Variants in MYRFL observed in about 807,000 individuals in gnomAD.
The protein encoded by MYRFL is myelin regulatory factor-like protein.
In MYRFL, 88 loss-of-function variants were observed where a neutral mutation model predicts 109.4. The ratio of observed to expected loss-of-function variants is 0.80; its 90% CI spans 0.68 to 0.96. The LOEUF (loss-of-function observed/expected upper bound fraction) is 0.96, where lower values mean the gene tolerates loss of function less well. Ranked by LOEUF, MYRFL falls within the 40% of genes least tolerant of loss-of-function variation. The pLI is 0.00. For missense variants in MYRFL, 957 were observed against 954.9 expected, an observed-to-expected ratio of 1.00 and a Z score of -0.03; for synonymous variants, 324 against 320.9, an observed-to-expected ratio of 1.01 and a Z score of -0.10.
intron 1 of MYRFL, among the ~76,000 whole-genome samples, chr12:69,840,780 T>C (rs181457908): frequency 1.3e-5 from 2 of 152,232 alleles, no homozygotes; most frequent in Non-Finnish European, 2.9e-5. Context: ...TGTTTTCTGC[T>C]GTTCTTAGAG....
At chr12:69,842,375 AC>A (rs1883294019) in intron 1 of MYRFL, among the ~76,000 whole-genome samples, 1 of 152,244 alleles carries the variant, frequency 6.6e-6, no homozygotes, top group Admixed American at 6.5e-5. Context: ...ATTCATAATT[AC>A]ATTTATTCAT....
intron 15 of MYRFL, among the ~76,000 whole-genome samples, chr12:69,930,813 GAA>G (rs61430519): frequency 7.9e-4 from 101 of 128,344 alleles, no homozygotes; most frequent in South Asian, 1.8e-3. Context: ...CCCTATCTAA[GAA>G]AAAAAAAAAA....
chr12:69,933,717 C>A (rs997851831), intron 16 of MYRFL, among the ~76,000 whole-genome samples: 10 of 152,184 alleles, frequency 6.6e-5, no homozygotes, highest in Non-Finnish European at 1.5e-4. Context: ...GTGTGCCTGT[C>A]TTCTCCTGCT....
chr12:69,896,881 AG>A (rs1954012191), intron 9 of MYRFL, among the ~76,000 whole-genome samples: 1 of 152,204 alleles, frequency 6.6e-6, no homozygotes, highest in Non-Finnish European at 1.5e-5. Context: ...ATGTCTCCGC[AG>A]GGTGGCCTGC....
chr12:69,948,584 A>G (rs1327488396), intron 19 of MYRFL, among the ~76,000 whole-genome samples: 3 of 152,204 alleles, frequency 2.0e-5, no homozygotes, highest in African/African-American at 7.2e-5. Context: ...TAAATTTACA[A>G]CCTTCTGTGG....
rs574512967 is a variant in MYRFL, at chr12:69,950,753, A to G, written c.2225-1360A>G. On this transcript the variant is annotated intron_variant, in intron 19 of 24. Transcript: ENST00000552032. ...TGTCACTGGAGGTGTTCAAACAGAGATTCCTTGGTTATTTATTTCTTTTTT... is the reference window on the plus strand; with the variant it reads ...TGTCACTGGAGGTGTTCAAACAGAGGTTCCTTGGTTATTTATTTCTTTTTT... Among the ~76,000 whole-genome samples the G allele has an allele frequency of 5.9e-5, 9 of 152,192 alleles. 1 individual carries two copies. The East Asian group carries it at 7.7e-4, about 13-fold the overall frequency.
chr12:69,848,847 A>G (rs1485673458), intron 1 of MYRFL, among the ~76,000 whole-genome samples: 2 of 152,160 alleles, frequency 1.3e-5, no homozygotes, highest in African/African-American at 2.4e-5. Flanking sequence ...ATCATTAAAC[A>G]TGACACTGGC....
At chr12:69,834,122 A>G (rs1006061061) in intron 1 of MYRFL, among the ~76,000 whole-genome samples, 1 of 152,214 alleles carries the variant, frequency 6.6e-6, no homozygotes, top group African/African-American at 2.4e-5. Context: ...GCAGCAGGCT[A>G]TGCTCAGAAG....
chr12:69,918,137 T>C (rs2120416833), intron 13 of MYRFL, among the ~76,000 whole-genome samples: 1 of 152,312 alleles, frequency 6.6e-6, no homozygotes, highest in Non-Finnish European at 1.5e-5. Flanking sequence ...GAGATCTTCA[T>C]AAAAGTATCA....
intron 1 of MYRFL, among the ~76,000 whole-genome samples, chr12:69,842,585 G>T (rs890023032): frequency 3.3e-5 from 5 of 152,224 alleles, no homozygotes; most frequent in East Asian, 1.9e-4. Context: ...ACAGCTGGCA[G>T]TGGGGTCCGG....
intron 19 of MYRFL, among the ~76,000 whole-genome samples, chr12:69,946,176 T>C (rs1592891277): frequency 1.3e-5 from 2 of 151,948 alleles, no homozygotes; most frequent in Non-Finnish European, 2.9e-5. Context: ...TCTATAGCTA[T>C]GTAAACTTCT....
chr12:69,909,327 C>A (rs576306738), intron 11 of MYRFL, among the ~76,000 whole-genome samples: 1 of 152,264 alleles, frequency 6.6e-6, no homozygotes, highest in East Asian at 1.9e-4. Context: ...GGGAGTCTGT[C>A]AAGGGAGGAG....
intron 1 of MYRFL, among the ~76,000 whole-genome samples, chr12:69,832,848 C>T (rs1882712992): frequency 6.6e-6 from 1 of 151,696 alleles, no homozygotes; most frequent in Non-Finnish European, 1.5e-5. Flanking sequence ...GTGAGGAAGA[C>T]AGAGGAATCT....
chr12:69,846,481 A>G (rs1251266248), intron 1 of MYRFL, among the ~76,000 whole-genome samples: 3 of 152,038 alleles, frequency 2.0e-5, no homozygotes, highest in Non-Finnish European at 4.4e-5. Flanking sequence ...TTCACTGAGA[A>G]TGATGATTTC....
chr12:69,860,086 T>A (rs1352696760), intron 2 of MYRFL, among the ~76,000 whole-genome samples: 3 of 152,132 alleles, frequency 2.0e-5, no homozygotes, highest in Non-Finnish European at 4.4e-5. Flanking sequence ...TTCCTGATGC[T>A]CTCCATCTGC....
chr12:69,917,217 G>C (rs1954761464), intron 13 of MYRFL, among the ~76,000 whole-genome samples: 1 of 152,134 alleles, frequency 6.6e-6, no homozygotes, highest in African/African-American at 2.4e-5. Flanking sequence ...GCCACTGTAA[G>C]AATGTGTAGT....
At chr12:69,948,335 G>GT (rs1404935742) in intron 19 of MYRFL, among the ~76,000 whole-genome samples, 7 of 152,130 alleles carry the variant, frequency 4.6e-5, no homozygotes, top group Admixed American at 6.5e-5. Context: ...ATTTATTGCT[G>GT]TTTTTTAAAA....
intron 1 of MYRFL, among the ~76,000 whole-genome samples, chr12:69,830,128 A>G (rs541147976): frequency 2.0e-5 from 3 of 152,220 alleles, no homozygotes; most frequent in African/African-American, 7.2e-5. Flanking sequence ...AAGTGCTTTC[A>G]TAGAACATTG....
chr12:69,957,598 T>C (rs992517754), intron 22 of MYRFL, among the ~76,000 whole-genome samples: 1 of 152,152 alleles, frequency 6.6e-6, no homozygotes, highest in Non-Finnish European at 1.5e-5. Context: ...GAAACCATCA[T>C]ATACTATTTC....
Sources: allele counts gnomAD v4.1 joint callset (sites outside exome capture counted in the v4.1 genomes callset), GRCh38; gene constraint gnomAD v4.1.1; transcripts MANE v1.5; gene names NCBI Gene and HGNC (gene_info 2026-07-23, HGNC 2026-07-21).